Variants in KPNA4 observed in about 807,000 individuals in gnomAD.
The protein encoded by KPNA4 is importin subunit alpha-3.
KPNA4 carries 13 observed loss-of-function variants against 71.3 expected under a neutral mutation model. That is an observed-to-expected ratio of 0.18 (90% CI 0.12 to 0.29). KPNA4 has a LOEUF of 0.29. Among genes scored for constraint, KPNA4 ranks in the 10% least tolerant of loss-of-function variants. KPNA4 has a pLI of 1.00. For synonymous variants in KPNA4, 189 were observed against 195.2 expected (o/e 0.97, Z 0.26); for missense variants, 334 against 603.2 (o/e 0.55, Z 4.67).
rs1439447319 is a variant in KPNA4 at position 160,495,280 on chromosome 3, G to GT, written c.*6823dup. 6.6e-6 allele frequency: 1 copy of GT among 152,190 alleles called. No homozygotes were observed. Among genetic ancestry groups the GT allele is most frequent in the African/African-American group, 2.4e-5 (1 of 41,450 alleles). 9.4% of individuals were successfully genotyped at this position (152,190 alleles called of 1,614,324 possible). A position where few individuals can be genotyped will look rare whatever the true frequency, so the allele number is the denominator to read the frequency against. On this transcript the variant is annotated 3_prime_UTR_variant, in exon 17 of 17. Coordinates refer to ENST00000334256, the MANE Select transcript of KPNA4 (RefSeq NM_002268.5). ...GATATACTCCTGACTTCTTGAAGGAGTAAATATCTAGAATATTCAAGGACG... is the reference window on the plus strand; with the variant it reads ...GATATACTCCTGACTTCTTGAAGGAGTTAAATATCTAGAATATTCAAGGACG...
At chr3:160,549,719 C>A (rs1203749500) in intron 1 of KPNA4, among the ~76,000 whole-genome samples, 1 of 152,164 alleles carries the variant, frequency 6.6e-6, no homozygotes, top group Non-Finnish European at 1.5e-5. Context: ...CAGGCTTGTT[C>A]TTTCTCAAGA....
At chr3:160,528,321 T>C (rs2108551123) in intron 7 of KPNA4, among the ~76,000 whole-genome samples, 1 of 152,250 alleles carries the variant, frequency 6.6e-6, no homozygotes, top group Non-Finnish European at 1.5e-5. Context: ...TAATTCCTTA[T>C]AGATTATCTG....
At chr3:160,528,100 T>C (rs897750658) in intron 7 of KPNA4, 61 bp from the exon 8 acceptor site, 4 of 1,316,560 alleles carry the variant, frequency 3.0e-6, no homozygotes, top group Non-Finnish European at 4.3e-6. Flanking sequence ...AAAATCAATC[T>C]TTATTTTTTT....
intron 1 of KPNA4, among the ~76,000 whole-genome samples, chr3:160,539,875 TC>T (rs1376684243): frequency 6.6e-6 from 1 of 152,068 alleles, no homozygotes; most frequent in African/African-American, 2.4e-5. Flanking sequence ...ATTAAATAAA[TC>T]CCAAACAACT....
intron 10 of KPNA4, among the ~76,000 whole-genome samples, chr3:160,523,748 G>A (rs1377060306): frequency 6.6e-6 from 1 of 152,136 alleles, no homozygotes; most frequent in Non-Finnish European, 1.5e-5. Flanking sequence ...CTACTCGGGA[G>A]GCTGAGGCAG....
chr3:160,551,878 G>A (rs748701730), intron 1 of KPNA4, among the ~76,000 whole-genome samples: 2 of 148,180 alleles, frequency 1.3e-5, no homozygotes, highest in South Asian at 4.3e-4. Flanking sequence ...CTCATCTGGG[G>A]TGAGTTTGCC....
intron 15 of KPNA4, among the ~76,000 whole-genome samples, chr3:160,506,470 C>T (rs921711831): frequency 6.6e-6 from 1 of 152,092 alleles, no homozygotes; most frequent in Non-Finnish European, 1.5e-5. Context: ...TGTGCCCGGC[C>T]ATAAATACTT....
chr3:160,541,964 C>A (rs1721807885), intron 1 of KPNA4, among the ~76,000 whole-genome samples: 1 of 152,140 alleles, frequency 6.6e-6, no homozygotes, highest in African/African-American at 2.4e-5. Context: ...TAATAACATG[C>A]ACACAACGCA....
intron 1 of KPNA4, among the ~76,000 whole-genome samples, chr3:160,552,831 A>G (rs1479831824): frequency 6.6e-6 from 1 of 152,166 alleles, no homozygotes; most frequent in African/African-American, 2.4e-5. Context: ...AGATAAATGA[A>G]TAAGAGTATA....
rs78928493 is a variant in KPNA4 at position 160,562,522 on chromosome 3, A to G, written c.69+2692T>C. Among the ~76,000 whole-genome samples the G allele has an allele frequency of 4.9e-3, 747 of 152,318 alleles. 2 individuals carry two copies. The highest frequency in any genetic ancestry group is 7.4e-3 in the Non-Finnish European group (501 of 68,002). ...ATACAGCATATATGTAAGTAGGCTG[A>G]TAAGTGCTTAGAGAGATAGACCAGA... On this transcript the variant is annotated intron_variant, in intron 1 of 16. Coordinates refer to ENST00000334256, the MANE Select transcript of KPNA4 (RefSeq NM_002268.5).
intron 1 of KPNA4, among the ~76,000 whole-genome samples, chr3:160,543,034 A>G (rs1721834623): frequency 6.6e-6 from 1 of 152,190 alleles, no homozygotes; most frequent in Non-Finnish European, 1.5e-5. Flanking sequence ...ATTAAATTAA[A>G]AAGTTATACA....
chr3:160,541,653 A>ACG (rs1721800761), intron 1 of KPNA4, among the ~76,000 whole-genome samples: 1 of 147,174 alleles, frequency 6.8e-6, no homozygotes, highest in East Asian at 2.4e-4. Context: ...ATACGCGCAC[A>ACG]CACACACACA....
At chr3:160,502,627 TC>T (rs1720905794) in intron 16 of KPNA4, among the ~76,000 whole-genome samples, 1 of 152,106 alleles carries the variant, frequency 6.6e-6, no homozygotes, top group Admixed American at 6.5e-5. Flanking sequence ...TGTCTTGACC[TC>T]CCAAAGTATT....
At chr3:160,536,954 G>C (rs1319646055) in intron 1 of KPNA4, 114 bp from the exon 2 acceptor site, 14 of 494,196 alleles carry the variant, frequency 2.8e-5, no homozygotes, top group Non-Finnish European at 5.1e-5. Flanking sequence ...TAGCCATATG[G>C]ATATAAAGTC....
chr3:160,503,829 T>A (rs1404377240), intron 16 of KPNA4, among the ~76,000 whole-genome samples: 2 of 152,220 alleles, frequency 1.3e-5, no homozygotes, highest in Non-Finnish European at 2.9e-5. Context: ...ATGCCTGTAA[T>A]CCCAGCACTT....
rs140546459 is a variant in KPNA4 at position 160,508,243 on chromosome 3, A to G, written c.1236T>C (p.Val412=). The G allele has an allele frequency of 3.1e-6, 5 of 1,610,522 alleles. No homozygotes were observed. In the African/African-American group the frequency reaches 5.3e-5, roughly 17 times the overall value. The part of the protein sequence containing the change: ...DQVAYLIQQN[V]IPPFCNLLTV... ...TCAGCAAGTTGCAAAAAGGTGGGAT[A>G]ACATTTTGTTGGATAAGGTAAGCCA... The change falls in exon 15 of 17, where the codon GTT becomes GTC. Residue 412 remains valine, a synonymous_variant. Coordinates refer to ENST00000334256, the MANE Select transcript of KPNA4 (RefSeq NM_002268.5).
intron 1 of KPNA4, among the ~76,000 whole-genome samples, chr3:160,546,734 G>T (rs768683794): frequency 7.1e-5 from 9 of 127,452 alleles, no homozygotes; most frequent in Non-Finnish European, 8.8e-5. Flanking sequence ...ACTGAATTCT[G>T]GTCTGTTTCT....
chr3:160,530,806 G>T, intron 7 of KPNA4, 49 bp downstream of exon 7: 1 of 1,289,760 alleles, frequency 7.8e-7, no homozygotes, highest in Non-Finnish European at 1.1e-6. Context: ...ATTTTTTACC[G>T]ACTTCTTTTA....
intron 1 of KPNA4, among the ~76,000 whole-genome samples, chr3:160,543,192 T>C (rs968314249): frequency 6.6e-6 from 1 of 152,180 alleles, no homozygotes; most frequent in Non-Finnish European, 1.5e-5. Flanking sequence ...TCCTAGTATA[T>C]GGTTATACTA....
Sources: gnomAD v4.1 joint callset for allele counts (sites outside exome capture counted in the v4.1 genomes callset) on GRCh38, gnomAD v4.1.1 for gene constraint, MANE v1.5 for transcripts, NCBI Gene and HGNC (gene_info 2026-07-23, HGNC 2026-07-21) for gene names.